MYH9: variants seen among roughly 807,000 people sequenced by gnomAD.
MYH9 encodes the protein myosin heavy chain 9.
Under a neutral mutation model 241.9 loss-of-function variants are expected in MYH9, and 29 were observed. The observed-to-expected ratio is 0.12, with a 90% CI of 0.09 to 0.16. The LOEUF (loss-of-function observed/expected upper bound fraction) is 0.16. Among genes scored for constraint, MYH9 ranks in the 10% least tolerant of loss-of-function variants. MYH9 has a pLI of 1.00. For synonymous variants in MYH9, 1,047 were observed against 1,062.6 expected (o/e 0.99, Z 0.29); for missense variants, 1,803 against 2,595.5 (o/e 0.69, Z 6.63).
rs2016597558 is a variant in MYH9, at chr22:36,287,017, T to C, written c.4933-171A>G. 9.5e-6 allele frequency: 8 copies of C among 842,340 alleles called. No homozygotes were observed. The South Asian group carries it at 1.2e-4, about 13-fold the overall frequency. 52.2% of individuals were successfully genotyped at this position (842,340 alleles called of 1,614,324 possible). A position where few individuals can be genotyped will look rare whatever the true frequency, so the allele number is the denominator to read the frequency against. Reference sequence around the variant, plus strand: ...AGGCAACTAAAGACAATCATCTGTGTATCCCACCCCGTAATGCACACTTTG... The same window carrying C: ...AGGCAACTAAAGACAATCATCTGTGCATCCCACCCCGTAATGCACACTTTG... On this transcript the variant is annotated intron_variant, in intron 34 of 40. Transcript: ENST00000216181.
chr22:36,323,217 G>A (rs2017284117), intron 5 of MYH9, among the ~76,000 whole-genome samples: 1 of 152,164 alleles, frequency 6.6e-6, no homozygotes, highest in Non-Finnish European at 1.5e-5. Context: ...CATACTCACG[G>A]GGCAGGACAG....
rs1423958414 is a variant in MYH9 at position 36,330,062 on chromosome 22, C to T, written c.491-2574G>A. ...CCATGCACACACACGGATGTATGCA[C>T]AGGCACACACACTTCAAATTCCGAA... On this transcript the variant is annotated intron_variant, in intron 3 of 40. Transcript: ENST00000216181. The surrounding 1 kb of genome is among the most constrained non-coding windows in gnomAD (Gnocchi z 4.5). Among the ~76,000 whole-genome samples the T allele has an allele frequency of 1.3e-5, 2 of 152,246 alleles. No homozygotes were observed. The highest frequency in any genetic ancestry group is 1.5e-5 in the Non-Finnish European group (1 of 68,048).
In MYH9 at chr22:36,299,127, C is replaced by T. The variant is rs2187776; in HGVS notation, c.2977-85G>A. The T allele has an allele frequency of 0.96, 1,521,645 of 1,584,540 alleles. 733,711 individuals are homozygous for T. The highest frequency in any genetic ancestry group is 1 in the East Asian group (44,574 of 44,592). On this transcript the variant is annotated intron_variant, in intron 23 of 40. Coordinates refer to ENST00000216181, the MANE Select transcript of MYH9 (RefSeq NM_002473.6). ...CTCAAAGCATGACTCGCCCGGAAAT[C>T]TGGGGCTGAATGGAGAGGGCTTTAG...
rs2146346666 is a variant in MYH9 at position 36,304,117 on chromosome 22, A to G, written c.2268T>C (p.Ile756=). 6.2e-7 allele frequency: 1 copy of G among 1,613,698 alleles called. No homozygotes were observed. ...ALELDSNLYR[I]GQSKVFFRAG... is the part of the protein sequence containing the mutation. ...CACGGAAGAAGACTTTGCTCTGGCCAATGCGGTACAGATTGCTGTCGAGCT... is the reference window on the plus strand; with the variant it reads ...CACGGAAGAAGACTTTGCTCTGGCCGATGCGGTACAGATTGCTGTCGAGCT... Residue 756 remains isoleucine, a synonymous_variant, in exon 19 of 41, where the codon ATT becomes ATC. Transcript: ENST00000216181.
intron 2 of MYH9, 47 bp from the exon 3 acceptor site, chr22:36,341,573 T>G (rs1220171006): frequency 2.1e-5 from 33 of 1,603,298 alleles, no homozygotes; most frequent in Non-Finnish European, 2.8e-5. Flanking sequence ...AGTTTGATTC[T>G]CAGTAGTGTA....
At position 36,305,817 on chromosome 22, in the gene MYH9, G is replaced by A; in HGVS notation, c.2159+113C>T. 3 of 1,466,832 alleles carry A rather than the reference G, an allele frequency of 2.0e-6. No individual in the cohort carries two copies. The South Asian group carries it at 3.4e-5, about 17-fold the overall frequency. The allele number at this position is 1,466,832 out of a possible 1,614,324, so 90.9% of individuals were successfully genotyped here. On this transcript the variant is annotated intron_variant, in intron 17 of 40. Coordinates refer to ENST00000216181, the MANE Select transcript of MYH9 (RefSeq NM_002473.6). This position sits in a 1 kb window ranked among gnomAD's most constrained non-coding sequence, Gnocchi z 4.7. ...TGGCCAGACTCAGTTCTACATGGAT[G>A]GAGGACGTCGCTCCCTCACGACAGG...
chr22:36,302,340 C>A (rs988350717), intron 20 of MYH9: 9 of 481,164 alleles, frequency 1.9e-5, no homozygotes, highest in South Asian at 1.0e-4. Flanking sequence ...GATAGTGAGA[C>A]CTTGTCTCTA....
intron 3 of MYH9, chr22:36,328,897 C>T (rs1485319337): frequency 1.3e-5 from 2 of 152,384 alleles, no homozygotes; most frequent in South Asian, 2.1e-4. Flanking sequence ...CACATTTAAC[C>T]GTTCAACACC....
intron 12 of MYH9, among the ~76,000 whole-genome samples, chr22:36,314,980 T>C (rs2017127691): frequency 6.6e-6 from 1 of 152,098 alleles, no homozygotes; most frequent in Non-Finnish European, 1.5e-5. Context: ...GATGGGGCCT[T>C]GCTTTGTTGC....
At chr22:36,283,671 C>T (rs1248048629) in intron 40 of MYH9, among the ~76,000 whole-genome samples, 3 of 152,168 alleles carry the variant, frequency 2.0e-5, no homozygotes, top group Non-Finnish European at 2.9e-5. Flanking sequence ...AAATGAGAAT[C>T]TCAGAGAATA....
At chr22:36,343,816 G>A (rs993549429) in intron 2 of MYH9, among the ~76,000 whole-genome samples, 1 of 152,184 alleles carries the variant, frequency 6.6e-6, no homozygotes, top group Non-Finnish European at 1.5e-5. Context: ...GTTGAGTGGG[G>A]ACAAGAGAGA....
intron 2 of MYH9, among the ~76,000 whole-genome samples, chr22:36,343,819 A>G (rs2017630082): frequency 1.3e-5 from 2 of 152,196 alleles, no homozygotes; most frequent in Admixed American, 1.3e-4. Flanking sequence ...GAGTGGGGAC[A>G]AGAGAGAAGG....
chr22:36,347,363 A>G (rs2146390825), intron 2 of MYH9, among the ~76,000 whole-genome samples: 1 of 151,950 alleles, frequency 6.6e-6, no homozygotes, highest in Middle Eastern at 3.4e-3. Context: ...TCCCAGAGCA[A>G]GTCTTACTCT....
At chr22:36,309,875 T>C (rs1352469494) in intron 14 of MYH9, among the ~76,000 whole-genome samples, 3 of 152,254 alleles carry the variant, frequency 2.0e-5, no homozygotes, top group East Asian at 3.8e-4. Flanking sequence ...TGTTTTTAAA[T>C]ATATTTTTTT....
chr22:36,367,802 A>G (rs1460376522), intron 1 of MYH9, among the ~76,000 whole-genome samples: 2 of 152,226 alleles, frequency 1.3e-5, no homozygotes, highest in African/African-American at 4.8e-5. Flanking sequence ...CCTGCTCTAG[A>G]GAGCTGCCAG....
intron 2 of MYH9, among the ~76,000 whole-genome samples, chr22:36,344,663 C>T (rs938332941): frequency 3.3e-5 from 5 of 152,210 alleles, no homozygotes; most frequent in Non-Finnish European, 5.9e-5. Flanking sequence ...GTTAATGCCT[C>T]CAGCCAAAGA....
chr22:36,328,378 C>G (rs532850272), intron 3 of MYH9, among the ~76,000 whole-genome samples: 1 of 152,352 alleles, frequency 6.6e-6, no homozygotes, highest in South Asian at 2.1e-4. Flanking sequence ...ACTGGGTATT[C>G]AAGCAACAGC....
At chr22:36,301,820 C>A (rs1007387846) in intron 20 of MYH9, 155 bp from the exon 21 acceptor site, 4 of 967,000 alleles carry the variant, frequency 4.1e-6, no homozygotes, top group Admixed American at 4.1e-5. Flanking sequence ...TCCTTCCTGG[C>A]GCTCTGTACC....
intron 5 of MYH9, among the ~76,000 whole-genome samples, chr22:36,325,791 G>A (rs771258311): frequency 4.6e-5 from 7 of 152,182 alleles, no homozygotes; most frequent in South Asian, 4.1e-4. Context: ...TGTGAGGCCC[G>A]TCCCCATTCT....
Sources: allele counts gnomAD v4.1 joint callset (sites outside exome capture counted in the v4.1 genomes callset), GRCh38; gene constraint gnomAD v4.1.1; non-coding constraint Gnocchi (gnomAD v3.1); transcripts MANE v1.5; gene names NCBI Gene and HGNC (gene_info 2026-07-23, HGNC 2026-07-21).